FBN2: variants seen among roughly 807,000 people sequenced by gnomAD.
The protein encoded by FBN2 is fibrillin-2.
A neutral mutation model predicts 355.6 loss-of-function variants in FBN2; 105 were observed. That is an observed-to-expected ratio of 0.30 (90% CI 0.25 to 0.35). The LOEUF is 0.35. FBN2 is among the 10% of genes least tolerant of loss of function. FBN2 has a pLI of 1.00. For missense variants in FBN2, 3,280 were observed against 3,758.7 expected (o/e 0.87, Z 3.33); for synonymous variants, 1,350 against 1,301.2 (o/e 1.04, Z -0.81).
intron 15 of FBN2, among the ~76,000 whole-genome samples, chr5:128,374,113 A>T (rs183487024): frequency 1.1e-4 from 16 of 152,202 alleles, no homozygotes; most frequent in Non-Finnish European, 1.9e-4. Context: ...TAGTTTAAAA[A>T]TATATTTTTT....
intron 5 of FBN2, among the ~76,000 whole-genome samples, chr5:128,478,989 T>C (rs1755081983): frequency 6.6e-6 from 1 of 152,316 alleles, no homozygotes; most frequent in South Asian, 2.1e-4. Flanking sequence ...TATCAGTATA[T>C]GGGATCCCTT....
intron 2 of FBN2, among the ~76,000 whole-genome samples, chr5:128,531,083 A>G (rs537733073): frequency 3.3e-5 from 5 of 152,304 alleles, no homozygotes; most frequent in Admixed American, 6.5e-5. Context: ...CACAATTCAC[A>G]ACTGAAAAAT....
intron 59 of FBN2, among the ~76,000 whole-genome samples, chr5:128,275,287 A>AG (rs1765363377): frequency 6.6e-6 from 1 of 152,202 alleles, no homozygotes; most frequent in South Asian, 2.1e-4. Flanking sequence ...CATAAGATGT[A>AG]GGCAAGACTA....
intron 7 of FBN2, among the ~76,000 whole-genome samples, chr5:128,439,937 T>C (rs1753872258): frequency 6.6e-6 from 1 of 152,184 alleles, no homozygotes; most frequent in Non-Finnish European, 1.5e-5. Flanking sequence ...TATCCTGGTA[T>C]AAGATGTGAC....
chr5:128,379,206 T>C (rs925350455), intron 11 of FBN2, among the ~76,000 whole-genome samples: 3 of 152,146 alleles, frequency 2.0e-5, no homozygotes, highest in South Asian at 4.1e-4. Context: ...ATAATGCTTA[T>C]TGCTTACACC....
chr5:128,405,993 T>C (rs1752917937), intron 8 of FBN2, among the ~76,000 whole-genome samples: 3 of 152,208 alleles, frequency 2.0e-5, no homozygotes, highest in Admixed American at 6.5e-5. Context: ...GTTGAATCTA[T>C]ACCTATTCCA....
intron 36 of FBN2, 79 bp downstream of exon 36, chr5:128,318,069 CT>C: frequency 7.0e-7 from 1 of 1,433,806 alleles, no homozygotes; most frequent in East Asian, 2.3e-5. Flanking sequence ...GTAGCAAACA[CT>C]CATCACGGTT....
At chr5:128,263,358 G>A in intron 63 of FBN2, 67 bp downstream of exon 63, 1 of 1,184,158 alleles carries the variant, frequency 8.4e-7, no homozygotes. Context: ...CCCTGCAGTG[G>A]GGGGTGGCCT....
intron 34 of FBN2, among the ~76,000 whole-genome samples, chr5:128,321,989 C>G (rs994015955): frequency 2.0e-5 from 3 of 152,198 alleles, no homozygotes; most frequent in Non-Finnish European, 4.4e-5. Context: ...GTCATTCTAA[C>G]TGGCATGAGA....
chr5:128,310,080 A>G lies in FBN2; in HGVS notation c.5103T>C (p.Gly1701=), dbSNP rs1198777730. The G allele has an allele frequency of 6.2e-7, 1 of 1,613,506 alleles. No homozygotes were observed. Among genetic ancestry groups the G allele is most frequent in the Non-Finnish European group, 8.5e-7 (1 of 1,179,462 alleles). ...TATAGCAGGTCCCAGGCCCACACAC[A>G]CCAGGATGTGCAAAACACTCATCAA... ...EDIDECFAHP[G]VCGPGTCYNT... Residue 1701 remains glycine (G), a synonymous_variant, in exon 40 of 65, where the codon GGT becomes GGC. Transcript: ENST00000262464.
chr5:128,282,739 T>C (rs1749011270), intron 55 of FBN2, among the ~76,000 whole-genome samples: 1 of 152,168 alleles, frequency 6.6e-6, no homozygotes, highest in African/African-American at 2.4e-5. Context: ...ATTTCCAGCA[T>C]TGTACTTTCT....
chr5:128,537,841 A>C lies in FBN2; in HGVS notation c.-238T>G, dbSNP rs1437338270. The C allele has an allele frequency of 8.6e-6, 5 of 578,624 alleles. No individual in the cohort carries two copies. Among genetic ancestry groups the C allele is most frequent in the African/African-American group, 7.6e-5 (4 of 52,424 alleles). The allele number at this position is 578,624 out of a possible 1,614,324, so 35.8% of individuals were successfully genotyped here. ...CGCAGTGAGCGGCGAGGCGCGGCGG[A>C]GGTGCAGCCGGCAGCCCCGAGCGGT... On this transcript the variant is annotated 5_prime_UTR_variant, in exon 1 of 65. Transcript: ENST00000262464.
At chr5:128,361,900 C>T (rs765557506) in intron 18 of FBN2, 52 bp from the exon 19 acceptor site, 1 of 1,548,344 alleles carries the variant, frequency 6.5e-7, no homozygotes, top group South Asian at 1.1e-5. Flanking sequence ...GCATCTATTA[C>T]AGTGGGCAGC....
intron 8 of FBN2, among the ~76,000 whole-genome samples, chr5:128,402,913 G>C (rs1752833002): frequency 6.6e-6 from 1 of 152,210 alleles, no homozygotes; most frequent in African/African-American, 2.4e-5. Context: ...AGGAACCACT[G>C]TGGATCCCAG....
chr5:128,305,687 G>A (rs1305079324), intron 43 of FBN2, 51 bp from the exon 44 acceptor site: 1 of 1,605,314 alleles, frequency 6.2e-7, no homozygotes, highest in East Asian at 2.2e-5. Flanking sequence ...TATTGTATTA[G>A]CATTACATTC....
chr5:128,528,088 G>A, intron 3 of FBN2, 121 bp from the exon 4 acceptor site: 1 of 709,872 alleles, frequency 1.4e-6, no homozygotes, highest in African/African-American at 1.8e-5. Context: ...CTTACAGAAG[G>A]AAATACTATG....
Position 128,261,756 on chromosome 5 carries a change from G to T in FBN2, c.8344C>A (p.His2782Asn), listed in dbSNP as rs745600341. The stretch of plus-strand genomic sequence containing the variant: ...CTCACAGCAGTGGGATCAGGTTCAT[G>T]AATACTTCTCTTCTGCCTGCTGTCT... ...KKDSRQKRSI[H>N]EPDPTAVEQI... Residue 2782 changes from histidine to asparagine, a missense_variant, in exon 64 of 65, where the codon CAT becomes AAT. By Grantham distance (68) the His-to-Asn change is moderately conservative. Transcript: ENST00000262464. The T allele has an allele frequency of 6.2e-7, 1 of 1,614,170 alleles. No homozygotes were observed. Among genetic ancestry groups the T allele is most frequent in the Non-Finnish European group, 8.5e-7 (1 of 1,180,002 alleles).
chr5:128,311,411 G>A lies in FBN2; in HGVS notation c.4963C>T (p.Gln1655Ter). 1 of 1,614,050 alleles carries A rather than the reference G, an allele frequency of 6.2e-7. No individual in the cohort carries two copies. The highest frequency in any genetic ancestry group is 1.6e-4 in the Middle Eastern group (1 of 6,062). ...CCCTGGCAGAGACCTGGTAACTCCT[G>A]GCATTCGTCAATGTCTACAAAAAGG... ...TIILEDIDEC[Q>*]ELPGLCQGGN... Residue 1655 changes from glutamine (Q) to a stop codon, truncating the protein, a stop_gained, in exon 39 of 65, where the codon CAG becomes TAG. Coordinates refer to ENST00000262464, the MANE Select transcript of FBN2 (RefSeq NM_001999.4). LOFTEE classifies it high-confidence loss of function.
intron 5 of FBN2, among the ~76,000 whole-genome samples, chr5:128,514,532 A>ATAC (rs1756227264): frequency 6.6e-6 from 1 of 152,188 alleles, no homozygotes; most frequent in South Asian, 2.1e-4. Context: ...ACTTAGCCTA[A>ATAC]TACTGTAAGA....
Sources: gnomAD v4.1 joint callset for allele counts (sites outside exome capture counted in the v4.1 genomes callset) on GRCh38, gnomAD v4.1.1 for gene constraint, MANE v1.5 for transcripts, NCBI Gene and HGNC (gene_info 2026-07-23, HGNC 2026-07-21) for gene names.